Variants in SUV39H1 observed in about 807,000 individuals in gnomAD.
SUV39H1 encodes histone-lysine N-methyltransferase SUV39H1.
For missense variants in SUV39H1, 180 were observed against 386.3 expected (o/e 0.47, Z 4.48); for synonymous variants, 141 against 150.5 (o/e 0.94, Z 0.46).
intron 2 of SUV39H1, among the ~76,000 whole-genome samples, chrX:48,699,641 A>C (rs1186059931): frequency 8.9e-6 from 1 of 112,218 alleles, no homozygotes; most frequent in Non-Finnish European, 1.9e-5. Flanking sequence ...AGAACAGGCA[A>C]GGACTTGTCA....
At position 48,708,488 on chromosome X, in the gene SUV39H1, T is replaced by A. The variant is rs1312107272; in HGVS notation, c.*918T>A. The A allele has an allele frequency of 8.9e-6, 1 of 112,331 alleles. No individual in the cohort carries two copies. The highest frequency in any genetic ancestry group is 1.9e-5 in the Non-Finnish European group (1 of 53,097). 9.3% of individuals were successfully genotyped at this position (112,331 alleles called of 1,213,427 possible). Reference sequence around the variant, plus strand: ...TGGTGATGAGGTGCCAGGCACTGGGTAGAGCACCTGGTCCACGTGGATTGT... The same window carrying A: ...TGGTGATGAGGTGCCAGGCACTGGGAAGAGCACCTGGTCCACGTGGATTGT... On this transcript the variant is annotated 3_prime_UTR_variant, in exon 6 of 6. Transcript: ENST00000376687.
Position 48,707,793 on chromosome X carries a change from C to A in SUV39H1, c.*223C>A, listed in dbSNP as rs782315791. 8.1e-6 allele frequency: 4 copies of A among 494,241 alleles called. No homozygotes were observed. Among genetic ancestry groups the A allele is most frequent in the Non-Finnish European group, 1.5e-5 (4 of 274,671 alleles). 40.7% of individuals were successfully genotyped at this position (494,241 alleles called of 1,213,427 possible). On this transcript the variant is annotated 3_prime_UTR_variant, in exon 6 of 6. Transcript: ENST00000376687. ...CCCATCTGTGGGTTGCACTTACAAA[C>A]CCCCACCCACCTTCAGAAATAGTTT...
rs968971291 is a variant in SUV39H1, at chrX:48,707,605, G to A, written c.*35G>A. The A allele has an allele frequency of 5.0e-6, 6 of 1,205,755 alleles. No individual in the cohort carries two copies. Among genetic ancestry groups the A allele is most frequent in the Admixed American group, 2.2e-5 (1 of 45,920 alleles). On this transcript the variant is annotated 3_prime_UTR_variant, in exon 6 of 6. Transcript: ENST00000376687. Reference sequence around the variant, plus strand: ...GTCTGAGGCCAGACTGACTGAGGGGGCCTGAAGCTACATGCACCTCCCCCA... The same window carrying A: ...GTCTGAGGCCAGACTGACTGAGGGGACCTGAAGCTACATGCACCTCCCCCA...
chrX:48,696,812 G>C lies in SUV39H1; in HGVS notation c.19+9G>C, dbSNP rs781799336. ...GGCGGAAAATTTAAAAGGTGAAGCAGTGGAGGCAGAGGCGCGGGCCCGCTG... is the reference window on the plus strand; with the variant it reads ...GGCGGAAAATTTAAAAGGTGAAGCACTGGAGGCAGAGGCGCGGGCCCGCTG... On this transcript the variant is annotated intron_variant, in intron 1 of 5. Coordinates refer to ENST00000376687, the MANE Select transcript of SUV39H1 (RefSeq NM_003173.4). 8.0e-6 allele frequency: 9 copies of C among 1,126,575 alleles called. No homozygotes were observed. In the South Asian group the frequency reaches 1.8e-4, roughly 23 times the overall value. The allele number at this position is 1,126,575 out of a possible 1,213,427, so 92.8% of individuals were successfully genotyped here. A position where few individuals can be genotyped will look rare whatever the true frequency, so the allele number is the denominator to read the frequency against.
At chrX:48,707,412 C>T in intron 5 of SUV39H1, 25 bp from the exon 6 acceptor site, 2 of 1,174,538 alleles carry the variant, frequency 1.7e-6, no homozygotes, top group Non-Finnish European at 2.3e-6. Flanking sequence ...CTTCCCTCCT[C>T]TCCTCCCTGG....
chrX:48,697,264 T>A (rs2062459832), intron 1 of SUV39H1, among the ~76,000 whole-genome samples: 1 of 110,539 alleles, frequency 9.0e-6, no homozygotes, highest in Non-Finnish European at 1.9e-5. Context: ...CTCGGCGTGA[T>A]GGGGGAAGGG....
At chrX:48,695,714 G>A, upstream of SUV39H1, 1 of 1,141,002 alleles carries the variant, frequency 8.8e-7, no homozygotes, top group Non-Finnish European at 1.2e-6. Context: ...AGCTGGCCAG[G>A]AGCAAAATCG....
chrX:48,701,047 A>G, intron 3 of SUV39H1: 1 of 393,349 alleles, frequency 2.5e-6, no homozygotes, highest in Non-Finnish European at 4.6e-6. Context: ...AGGCAGCCTT[A>G]GCATTCCTTG....
intron 5 of SUV39H1, 41 bp from the exon 6 acceptor site, chrX:48,707,396 T>G: frequency 1.7e-6 from 1 of 605,206 alleles, no homozygotes. Context: ...CCTCCCTCCC[T>G]GCCTCCTTCC....
intron 1 of SUV39H1, among the ~76,000 whole-genome samples, chrX:48,697,375 G>A (rs912070713): frequency 9.0e-6 from 1 of 111,228 alleles, no homozygotes; most frequent in African/African-American, 3.3e-5. Flanking sequence ...CAGTTATGTT[G>A]GGGGGCCCCT....
intron 3 of SUV39H1, among the ~76,000 whole-genome samples, chrX:48,704,788 T>G (rs972812984): frequency 1.4e-4 from 16 of 111,627 alleles, no homozygotes; most frequent in African/African-American, 5.2e-4. Context: ...CTTTGACCCC[T>G]TGAGGGCAGG....
intron 5 of SUV39H1, among the ~76,000 whole-genome samples, chrX:48,707,116 C>G (rs968855011): frequency 1.8e-5 from 2 of 109,326 alleles, no homozygotes; most frequent in South Asian, 4.0e-4. Flanking sequence ...CCTGCCCCCC[C>G]CCACACACCT....
intron 3 of SUV39H1, among the ~76,000 whole-genome samples, chrX:48,703,680 G>A (rs1454593149): frequency 2.7e-5 from 3 of 111,803 alleles, no homozygotes; most frequent in Non-Finnish European, 5.6e-5. Flanking sequence ...TTGGTAAAGG[G>A]CACATAAAAT....
intron 3 of SUV39H1, among the ~76,000 whole-genome samples, chrX:48,702,472 C>T (rs1489950674): frequency 1.8e-5 from 2 of 111,309 alleles, no homozygotes; most frequent in Non-Finnish European, 3.8e-5. Flanking sequence ...CCCTCAATGT[C>T]CTGACGCTCT....
At chrX:48,705,132 G>A (rs2062486825) in intron 3 of SUV39H1, 1 of 112,143 alleles carries the variant, frequency 8.9e-6, no homozygotes, top group South Asian at 3.7e-4. Context: ...TCCCAAGTCA[G>A]AAGGGCATGG....
chrX:48,700,821 T>C (rs782148904), intron 3 of SUV39H1, 68 bp downstream of exon 3: 1 of 1,129,689 alleles, frequency 8.9e-7, no homozygotes, highest in East Asian at 3.1e-5. Context: ...TGCACCCGGC[T>C]CTCCTCACTG....
At chrX:48,705,745 T>G (rs1217333910) in intron 3 of SUV39H1, among the ~76,000 whole-genome samples, 1 of 112,287 alleles carries the variant, frequency 8.9e-6, no homozygotes, top group African/African-American at 3.2e-5. Flanking sequence ...CTCTCTTGTC[T>G]TGAGGCCCTT....
At chrX:48,696,579 C>A, upstream of SUV39H1, 1 of 396,329 alleles carries the variant, frequency 2.5e-6, no homozygotes, top group South Asian at 4.6e-5. Context: ...GCCGCCCAGA[C>A]GCACTCTGGG....
upstream of SUV39H1, among the ~76,000 whole-genome samples, chrX:48,696,324 G>A (rs782699990): frequency 2.7e-5 from 3 of 112,290 alleles, no homozygotes; most frequent in Non-Finnish European, 5.6e-5. Context: ...GTCTGACTAG[G>A]CACCTGTCTG....
Sources: gnomAD v4.1 joint callset for allele counts (sites outside exome capture counted in the v4.1 genomes callset) on GRCh38, gnomAD v4.1.1 for gene constraint, MANE v1.5 for transcripts, NCBI Gene and HGNC (gene_info 2026-07-23, HGNC 2026-07-21) for gene names.